SOS2: variants seen among roughly 807,000 people sequenced by gnomAD.
SOS2 encodes the protein SOS Ras/Rho guanine nucleotide exchange factor 2, also known as son of sevenless homolog 2.
Under a neutral mutation model 148.2 loss-of-function variants are expected in SOS2, and 65 were observed. The observed-to-expected ratio is 0.44, with a 90% CI of 0.36 to 0.54. SOS2 has a LOEUF of 0.54. Ranked by LOEUF, SOS2 falls within the 20% of genes least tolerant of loss-of-function variation. SOS2 has a pLI of 0.00. For missense variants in SOS2, 1,341 were observed against 1,590.2 expected (o/e 0.84, Z 2.67); for synonymous variants, 539 against 537.1 (o/e 1.00, Z -0.05).
upstream of SOS2, among the ~76,000 whole-genome samples, chr14:50,231,846 G>A (rs909974784): frequency 2.6e-5 from 4 of 152,206 alleles, no homozygotes; most frequent in Non-Finnish European, 4.4e-5. Context: ...GCACAGCGCT[G>A]GCCGCCGTTG....
Sources: gnomAD v4.1 joint callset for allele counts (sites outside exome capture counted in the v4.1 genomes callset) on GRCh38, gnomAD v4.1.1 for gene constraint, MANE v1.5 for transcripts, NCBI Gene and HGNC (gene_info 2026-07-23, HGNC 2026-07-21) for gene names.